SCMH1: variants seen among roughly 807,000 people sequenced by gnomAD.
SCMH1 encodes the protein polycomb protein SCMH1.
A neutral mutation model predicts 70.8 loss-of-function variants in SCMH1; 37 were observed. The ratio of observed to expected loss-of-function variants is 0.52; its 90% CI spans 0.40 to 0.69. The LOEUF (loss-of-function observed/expected upper bound fraction) is 0.69, where lower values mean the gene tolerates loss of function less well. SCMH1 is among the 30% of genes least tolerant of loss of function. SCMH1 has a pLI of 0.00. For missense variants in SCMH1, 607 were observed against 827.3 expected (o/e 0.73, Z 3.27); for synonymous variants, 292 against 307.4 (o/e 0.95, Z 0.52).
At chr1:41,133,831 C>T (rs1224954157) in intron 6 of SCMH1, among the ~76,000 whole-genome samples, 1 of 152,168 alleles carries the variant, frequency 6.6e-6, no homozygotes, top group Non-Finnish European at 1.5e-5. Flanking sequence ...CAGATGGATT[C>T]ATAGTCAAAT....
intron 4 of SCMH1, among the ~76,000 whole-genome samples, chr1:41,158,224 C>T (rs1645719103): frequency 6.6e-6 from 1 of 152,200 alleles, no homozygotes; most frequent in Admixed American, 6.5e-5. Context: ...TGTGTCAAAG[C>T]ACTGTGCTGA....
chr1:41,162,045 G>C (rs1410774560), intron 2 of SCMH1, among the ~76,000 whole-genome samples: 1 of 152,128 alleles, frequency 6.6e-6, no homozygotes, highest in Non-Finnish European at 1.5e-5. Context: ...CGCCATCCTG[G>C]GTGCAGCTGC....
intron 4 of SCMH1, among the ~76,000 whole-genome samples, chr1:41,156,953 C>CTTATTTTT (rs1645608109): frequency 9.0e-6 from 1 of 110,854 alleles, no homozygotes; most frequent in Admixed American, 9.0e-5. Flanking sequence ...TATAAGCCAA[C>CTTATTTTT]TTTTTTTTTT....
chr1:41,168,864 T>C (rs1311264514), intron 2 of SCMH1, among the ~76,000 whole-genome samples: 2 of 152,162 alleles, frequency 1.3e-5, no homozygotes, highest in African/African-American at 4.8e-5. Context: ...ATGTACCACA[T>C]TCCATCAATA....
At chr1:41,161,604 C>T in intron 2 of SCMH1, 172 bp from the exon 3 acceptor site, 2 of 652,158 alleles carry the variant, frequency 3.1e-6, no homozygotes, top group Non-Finnish European at 4.6e-6. Flanking sequence ...AAAGCCTTGG[C>T]ATTGTTTACA....
chr1:41,087,592 A>C (rs1254086894), intron 8 of SCMH1, among the ~76,000 whole-genome samples: 1 of 152,122 alleles, frequency 6.6e-6, no homozygotes, highest in Non-Finnish European at 1.5e-5. Flanking sequence ...AGAGAAATGC[A>C]AATTAAAATT....
intron 7 of SCMH1, among the ~76,000 whole-genome samples, chr1:41,114,279 C>CG (rs1553130816): frequency 6.6e-6 from 1 of 152,024 alleles, no homozygotes; most frequent in Non-Finnish European, 1.5e-5. Flanking sequence ...ATACTTTCAC[C>CG]GGAAGTGTAG....
At chr1:41,037,525 C>A (rs1472137769) in exon 13 of SCMH1, 2 of 1,614,072 alleles carry the variant, frequency 1.2e-6, no homozygotes, top group East Asian at 4.5e-5. Context: ...GACTATTCCC[C>A]AGGACAAAGG....
chr1:41,043,893 G>T (rs1009122394), intron 12 of SCMH1: 2 of 151,914 alleles, frequency 1.3e-5, no homozygotes, highest in Admixed American at 6.6e-5. Context: ...TAAATATACA[G>T]GTATTCAACA....
intron 2 of SCMH1, among the ~76,000 whole-genome samples, chr1:41,177,544 A>G (rs911616776): frequency 6.6e-6 from 1 of 152,244 alleles, no homozygotes; most frequent in Non-Finnish European, 1.5e-5. Flanking sequence ...AAGTCCTTAA[A>G]GGACCTGATG....
chr1:41,233,368 T>A (rs1200911274), intron 1 of SCMH1, among the ~76,000 whole-genome samples: 1 of 152,122 alleles, frequency 6.6e-6, no homozygotes, highest in East Asian at 1.9e-4. Flanking sequence ...CAAGCTAAGT[T>A]TTATCTTTAT....
chr1:41,028,466 C>T (rs540306230), intron 14 of SCMH1, 118 bp downstream of exon 15: 154 of 1,506,632 alleles, frequency 1.0e-4, no homozygotes, highest in African/African-American at 1.0e-3. Context: ...CTGAAGCCTA[C>T]CTGTTCTCCT....
intron 1 of SCMH1, among the ~76,000 whole-genome samples, chr1:41,203,451 T>G (rs889281500): frequency 6.6e-6 from 1 of 152,168 alleles, no homozygotes; most frequent in Admixed American, 6.5e-5. Flanking sequence ...AAATTAAACA[T>G]CTATTAAGTA....
At chr1:41,033,492 G>A (rs1464347769) in intron 13 of SCMH1, among the ~76,000 whole-genome samples, 1 of 152,170 alleles carries the variant, frequency 6.6e-6, no homozygotes, top group East Asian at 1.9e-4. Context: ...GGGGTGAAAA[G>A]AGAGAGGAAG....
At chr1:41,199,984 A>G (rs1653922903) in intron 1 of SCMH1, among the ~76,000 whole-genome samples, 1 of 152,226 alleles carries the variant, frequency 6.6e-6, no homozygotes, top group Non-Finnish European at 1.5e-5. Context: ...TAGTTTACTT[A>G]TCATAGACCA....
chr1:41,240,978 G>C lies in SCMH1; in HGVS notation c.-118+1081C>G, dbSNP rs1199492903. ...AGATGAGAGACAACTGAAGAAAGTG[G>C]AAGTGAAGACTCAGGGGACATGATT... On this transcript the variant is annotated intron_variant, in intron 1 of 14. Transcript: ENST00000337495. Among the ~76,000 whole-genome samples the C allele has an allele frequency of 3.3e-5, 5 of 152,158 alleles. No individual in the cohort carries two copies. In the South Asian group the frequency reaches 6.2e-4, roughly 19 times the overall value.
At chr1:41,187,508 C>T (rs1476965622) in intron 1 of SCMH1, among the ~76,000 whole-genome samples, 1 of 149,898 alleles carries the variant, frequency 6.7e-6, no homozygotes, top group African/African-American at 2.4e-5. Flanking sequence ...CAGGCTGTAA[C>T]TTAACTGAAT....
At chr1:41,082,072 A>C (rs1316572874) in intron 8 of SCMH1, among the ~76,000 whole-genome samples, 1 of 152,206 alleles carries the variant, frequency 6.6e-6, no homozygotes, top group Non-Finnish European at 1.5e-5. Context: ...AGGCTAAAAC[A>C]TCAAATTTCT....
intron 9 of SCMH1, among the ~76,000 whole-genome samples, chr1:41,073,633 T>TCCAA: frequency 6.6e-6 from 1 of 150,852 alleles, no homozygotes; most frequent in Admixed American, 6.6e-5. Context: ...CATCCATCCA[T>TCCAA]CCATCCATCC....
Sources: allele counts gnomAD v4.1 joint callset (sites outside exome capture counted in the v4.1 genomes callset), GRCh38; gene constraint gnomAD v4.1.1; transcripts MANE v1.5; gene names NCBI Gene and HGNC (gene_info 2026-07-23, HGNC 2026-07-21).